ANTXR2: variants seen among roughly 807,000 people sequenced by gnomAD.
ANTXR2 encodes anthrax toxin receptor 2.
In ANTXR2, 44 loss-of-function variants were observed where a neutral mutation model predicts 73.7. The ratio of observed to expected loss-of-function variants is 0.60; its 90% CI spans 0.47 to 0.77. The LOEUF is 0.77. Among genes scored for constraint, ANTXR2 ranks in the 30% least tolerant of loss-of-function variants. ANTXR2 has a pLI of 0.00. For missense variants in ANTXR2, 604 were observed against 592.5 expected, an observed-to-expected ratio of 1.02 and a Z score of -0.20; for synonymous variants, 217 against 205.9, an observed-to-expected ratio of 1.05 and a Z score of -0.46.
rs1162596726 is a variant in ANTXR2 at position 80,031,701 on chromosome 4, T to C, written c.797-9A>G. ...ACTTACTGGTTTTACACCTAGAAAA[T>C]AAAATGCCACTGAATTAGTAAAGGG... On this transcript the variant is annotated splice_polypyrimidine_tract_variant and intron_variant, in intron 9 of 16. Coordinates refer to ENST00000403729, the MANE Select transcript of ANTXR2 (RefSeq NM_058172.6). The C allele has an allele frequency of 2.1e-6, 3 of 1,450,690 alleles. No homozygotes were observed. The highest frequency in any genetic ancestry group is 2.7e-5 in the Admixed American group (1 of 36,682). 89.9% of individuals were successfully genotyped at this position (1,450,690 alleles called of 1,614,324 possible).
intron 7 of ANTXR2, among the ~76,000 whole-genome samples, chr4:80,037,183 T>C (rs186841163): frequency 6.6e-6 from 1 of 152,308 alleles, no homozygotes; most frequent in Admixed American, 6.5e-5. Context: ...CAGAATTCCT[T>C]TCTTGACATT....
chr4:80,063,783 T>A (rs1305663022), intron 3 of ANTXR2, among the ~76,000 whole-genome samples: 3 of 152,198 alleles, frequency 2.0e-5, no homozygotes, highest in Non-Finnish European at 4.4e-5. Context: ...TTCCATCCAA[T>A]GTATATGTTC....
At chr4:80,003,712 T>C (rs1731168415) in intron 12 of ANTXR2, among the ~76,000 whole-genome samples, 1 of 152,050 alleles carries the variant, frequency 6.6e-6, no homozygotes. Context: ...CACGATGAGA[T>C]ATCATTACAT....
Position 80,050,908 on chromosome 4 carries a change from T to G in ANTXR2, c.636+3364A>C, listed in dbSNP as rs563267409. Among the ~76,000 whole-genome samples the G allele has an allele frequency of 4.6e-5, 7 of 151,840 alleles. No individual in the cohort carries two copies. The East Asian group carries it at 5.9e-4, about 13-fold the overall frequency. On this transcript the variant is annotated intron_variant, in intron 7 of 16. Transcript: ENST00000403729. ...TAATTTCCTACTTATTTATGAAATA[T>G]GAGCGCATTCTCAAAACAAGTATGT...
intron 12 of ANTXR2, among the ~76,000 whole-genome samples, chr4:79,988,322 CAG>C (rs1193456606): frequency 7.5e-6 from 1 of 132,534 alleles, no homozygotes; most frequent in Non-Finnish European, 1.6e-5. Context: ...CTCAAGCAAA[CAG>C]AAAACAAAAA....
At position 79,904,293 on chromosome 4, in the gene ANTXR2, A is replaced by G. The variant is rs1347515047; in HGVS notation, c.*3136T>C. The G allele has an allele frequency of 1.3e-5, 2 of 152,086 alleles. No individual in the cohort carries two copies. The highest frequency in any genetic ancestry group is 2.9e-5 in the Non-Finnish European group (2 of 68,000). 9.4% of individuals were successfully genotyped at this position (152,086 alleles called of 1,614,324 possible). ...TAAAGTTCAAGGGAAATATAAGCAA[A>G]CTACTTCTTTCTCTAACAATCTGAA... On this transcript the variant is annotated 3_prime_UTR_variant, in exon 17 of 17. Coordinates refer to ENST00000403729, the MANE Select transcript of ANTXR2 (RefSeq NM_058172.6).
chr4:79,950,662 C>A (rs1244924519), intron 16 of ANTXR2, among the ~76,000 whole-genome samples: 3 of 152,008 alleles, frequency 2.0e-5, no homozygotes, highest in African/African-American at 7.2e-5. Flanking sequence ...CACTTTTGAC[C>A]CATGAGAGAG....
At chr4:80,037,675 T>G (rs566683014) in intron 7 of ANTXR2, among the ~76,000 whole-genome samples, 4 of 152,270 alleles carry the variant, frequency 2.6e-5, no homozygotes, top group African/African-American at 9.6e-5. Flanking sequence ...TGTTAAAGGT[T>G]AATGTGCCCT....
At chr4:80,040,507 T>G (rs1168630719) in intron 7 of ANTXR2, among the ~76,000 whole-genome samples, 1 of 152,010 alleles carries the variant, frequency 6.6e-6, no homozygotes, top group Non-Finnish European at 1.5e-5. Context: ...AGAGAGAAAA[T>G]TGTAAGGACT....
intron 16 of ANTXR2, among the ~76,000 whole-genome samples, chr4:79,950,862 A>G (rs539993303): frequency 6.2e-4 from 95 of 152,198 alleles, no homozygotes; most frequent in African/African-American, 2.1e-3. Flanking sequence ...AACCAGCCTC[A>G]GGTTCTCTCT....
rs557323534 is a variant in ANTXR2, at chr4:79,945,760, A to C, written c.1428+31861T>G. 3.3e-5 allele frequency among the ~76,000 whole-genome samples: 5 copies of C among 152,296 alleles called. No individual in the cohort carries two copies. In the South Asian group the frequency reaches 8.3e-4, roughly 25 times the overall value. On this transcript the variant is annotated intron_variant, in intron 16 of 16. Coordinates refer to ENST00000403729, the MANE Select transcript of ANTXR2 (RefSeq NM_058172.6). ...CACAGAGTCAGAAAGGTCTAAATTA[A>C]ACCAACTAGAATCTAAATCAAATGT...
In ANTXR2 at chr4:79,997,064, TA is replaced by T. The variant is rs529583921; in HGVS notation, c.1041+11456del. 3.8e-3 allele frequency among the ~76,000 whole-genome samples: 554 copies of T among 146,112 alleles called. 4 individuals carry two copies. The highest frequency in any genetic ancestry group is 0.026 in the East Asian group (131 of 5,036). ...CAGTTTGGAAGAGAGCCGATTTCTTTAAAAAAAAAAAAGTTAGCTGCTTCAG... is the reference window on the plus strand; with the variant it reads ...CAGTTTGGAAGAGAGCCGATTTCTTTAAAAAAAAAAAGTTAGCTGCTTCAG... On this transcript the variant is annotated intron_variant, in intron 12 of 16. Coordinates refer to ENST00000403729, the MANE Select transcript of ANTXR2 (RefSeq NM_058172.6).
At chr4:79,952,308 G>C (rs112503613) in intron 16 of ANTXR2, among the ~76,000 whole-genome samples, 17 of 150,964 alleles carry the variant, frequency 1.1e-4, no homozygotes, top group African/African-American at 4.1e-4. Flanking sequence ...TGCTTGCTCT[G>C]CTTTGGGTTA....
intron 16 of ANTXR2, among the ~76,000 whole-genome samples, chr4:79,912,201 G>A (rs900210879): frequency 6.6e-6 from 1 of 151,728 alleles, no homozygotes; most frequent in African/African-American, 2.4e-5. Context: ...TTTTATCACT[G>A]ACTTTATGCT....
chr4:80,012,812 T>C (rs1030659249), intron 11 of ANTXR2, among the ~76,000 whole-genome samples: 3 of 152,204 alleles, frequency 2.0e-5, no homozygotes, highest in African/African-American at 7.2e-5. Context: ...TGCACCTCTT[T>C]GAGGGCTGGG....
chr4:79,946,617 C>T (rs888910020), intron 16 of ANTXR2, among the ~76,000 whole-genome samples: 3 of 152,102 alleles, frequency 2.0e-5, no homozygotes, highest in Non-Finnish European at 2.9e-5. Context: ...GCCAACTCTT[C>T]TGGCATGAGG....
At chr4:80,072,067 G>A (rs1465873667) in intron 1 of ANTXR2, among the ~76,000 whole-genome samples, 1 of 152,148 alleles carries the variant, frequency 6.6e-6, no homozygotes, top group Admixed American at 6.5e-5. Flanking sequence ...CTGCGTACGA[G>A]CAGGGTCGAG....
chr4:80,048,399 T>C (rs1416580135), intron 7 of ANTXR2, among the ~76,000 whole-genome samples: 1 of 151,634 alleles, frequency 6.6e-6, no homozygotes, highest in East Asian at 1.9e-4. Context: ...AAGAGAAGCC[T>C]AGAATAATCT....
chr4:80,067,952 C>G (rs1225632162), intron 3 of ANTXR2, among the ~76,000 whole-genome samples: 1 of 152,118 alleles, frequency 6.6e-6, no homozygotes, highest in Non-Finnish European at 1.5e-5. Flanking sequence ...AACAAACCTG[C>G]ATGCCCTGCA....
Sources: allele counts gnomAD v4.1 joint callset (sites outside exome capture counted in the v4.1 genomes callset), GRCh38; gene constraint gnomAD v4.1.1; transcripts MANE v1.5; gene names NCBI Gene and HGNC (gene_info 2026-07-23, HGNC 2026-07-21).